Variants in CSMD1 observed in about 807,000 individuals in gnomAD.
CSMD1 encodes CUB and Sushi multiple domains 1, also known as CUB and sushi domain-containing protein 1.
A neutral mutation model predicts 417.5 loss-of-function variants in CSMD1; 213 were observed. The observed-to-expected ratio is 0.51, with a 90% CI of 0.46 to 0.57. CSMD1 has a LOEUF of 0.57. CSMD1 is among the 20% of genes least tolerant of loss of function. The pLI is 0.00. For synonymous variants in CSMD1, 2,862 were observed against 1,736.8 expected (o/e 1.65, Z -16.11); for missense variants, 6,923 against 4,529.7 (o/e 1.53, Z -15.17).
chr8:3,149,662 G>C (rs935505044), intron 40 of CSMD1, among the ~76,000 whole-genome samples: 1 of 152,168 alleles, frequency 6.6e-6, no homozygotes, highest in Admixed American at 6.5e-5. Flanking sequence ...ATTTTTAGTA[G>C]AGACGGCGTT....
In CSMD1 at chr8:4,442,149, C is replaced by T. The variant is rs1264624161; in HGVS notation, c.303-22084G>A. 3.9e-5 allele frequency among the ~76,000 whole-genome samples: 6 copies of T among 152,288 alleles called. No homozygotes were observed. In the East Asian group the frequency reaches 7.7e-4, roughly 20 times the overall value. On this transcript the variant is annotated intron_variant, in intron 2 of 69. Coordinates refer to ENST00000635120, the MANE Select transcript of CSMD1 (RefSeq NM_033225.6). ...ATCTCCTGTCCTGATTCAGCAAAAACATCTGAAACACAGCTTCAAATGCAG... is the reference window on the plus strand; with the variant it reads ...ATCTCCTGTCCTGATTCAGCAAAAATATCTGAAACACAGCTTCAAATGCAG...
chr8:3,393,844 T>C (rs920044481), intron 17 of CSMD1, among the ~76,000 whole-genome samples: 1 of 149,052 alleles, frequency 6.7e-6, no homozygotes, highest in Non-Finnish European at 1.5e-5. Context: ...TGTTGTGGGG[T>C]GTGGGGAGGG....
intron 4 of CSMD1, among the ~76,000 whole-genome samples, chr8:3,999,877 G>T (rs1184923056): frequency 6.6e-6 from 1 of 152,140 alleles, no homozygotes; most frequent in Non-Finnish European, 1.5e-5. Context: ...TGTGGAAAGG[G>T]CTGCCCATGT....
At chr8:4,932,543 A>G (rs115039888) in intron 1 of CSMD1, among the ~76,000 whole-genome samples, 2,221 of 152,300 alleles carry the variant, frequency 0.015, 46 homozygotes, top group African/African-American at 0.051. Context: ...CTAATAGAAA[A>G]TAAAGCTTGT....
intron 54 of CSMD1, among the ~76,000 whole-genome samples, chr8:2,992,668 G>C (rs778988586): frequency 4.0e-5 from 6 of 151,876 alleles, no homozygotes; most frequent in African/African-American, 1.2e-4. Context: ...CTCGTGATCT[G>C]CCCGCCTCAG....
intron 1 of CSMD1, among the ~76,000 whole-genome samples, chr8:4,747,022 G>C (rs1011171793): frequency 2.6e-5 from 4 of 152,180 alleles, no homozygotes; most frequent in Non-Finnish European, 5.9e-5. Context: ...GTTCAGAGAA[G>C]CCACTGAGTA....
chr8:4,906,931 A>C (rs576904741), intron 1 of CSMD1, among the ~76,000 whole-genome samples: 2 of 152,240 alleles, frequency 1.3e-5, no homozygotes, highest in South Asian at 4.1e-4. Context: ...ATTAGTAGGT[A>C]TTTTCCTATT....
At chr8:3,314,920 C>T (rs1805636782) in intron 23 of CSMD1, among the ~76,000 whole-genome samples, 1 of 152,202 alleles carries the variant, frequency 6.6e-6, no homozygotes, top group Admixed American at 6.5e-5. Context: ...TGAGTTTTTT[C>T]AGCTTCTATC....
chr8:3,156,410 G>T (rs1304800500), intron 39 of CSMD1, among the ~76,000 whole-genome samples: 1 of 152,194 alleles, frequency 6.6e-6, no homozygotes, highest in East Asian at 1.9e-4. Context: ...ATGTGCTGAA[G>T]ATACAGAGGT....
chr8:4,062,449 T>C (rs1330429014), intron 3 of CSMD1, among the ~76,000 whole-genome samples: 3 of 152,128 alleles, frequency 2.0e-5, no homozygotes, highest in African/African-American at 7.2e-5. Context: ...ATCTCAGATA[T>C]CTGACACAAT....
chr8:4,877,358 A>G (rs1037607951), intron 1 of CSMD1, among the ~76,000 whole-genome samples: 2 of 152,098 alleles, frequency 1.3e-5, no homozygotes, highest in Non-Finnish European at 2.9e-5. Flanking sequence ...GTTATTTTAC[A>G]TTTCTGTTTA....
At chr8:3,643,305 A>C (rs1797397720) in intron 7 of CSMD1, among the ~76,000 whole-genome samples, 1 of 152,114 alleles carries the variant, frequency 6.6e-6, no homozygotes, top group African/African-American at 2.4e-5. Flanking sequence ...AGGGACGGGC[A>C]AAGAAAGAGG....
intron 3 of CSMD1, among the ~76,000 whole-genome samples, chr8:4,419,643 T>C (rs1010971719): frequency 9.2e-5 from 14 of 152,138 alleles, no homozygotes; most frequent in Admixed American, 1.3e-4. Context: ...AAATGAACTC[T>C]TTACCACGTA....
intron 1 of CSMD1, among the ~76,000 whole-genome samples, chr8:4,740,612 T>C (rs1235668552): frequency 6.6e-6 from 1 of 152,170 alleles, no homozygotes; most frequent in Non-Finnish European, 1.5e-5. Context: ...ATTGATGAAA[T>C]GTTGTGGAAG....
chr8:3,108,908 A>G (rs1039943380), intron 43 of CSMD1, among the ~76,000 whole-genome samples, 160 bp from the exon 44 acceptor site: 2 of 152,224 alleles, frequency 1.3e-5, no homozygotes, highest in African/African-American at 4.8e-5. Flanking sequence ...AATGTCCACA[A>G]AGTTGAGGAA....
chr8:4,580,175 G>A (rs1321251808), intron 2 of CSMD1, among the ~76,000 whole-genome samples: 3 of 152,142 alleles, frequency 2.0e-5, no homozygotes, highest in East Asian at 1.9e-4. Context: ...CAACTGTTAT[G>A]TAAACTTCAT....
chr8:3,257,637 C>T lies in CSMD1; in HGVS notation c.4153+26507G>A, dbSNP rs140372591. Among the ~76,000 whole-genome samples the T allele has an allele frequency of 2.0e-3, 305 of 152,188 alleles. 4 individuals are homozygous for T. The Middle Eastern group carries it at 0.024, about 12-fold the overall frequency. On this transcript the variant is annotated intron_variant, in intron 26 of 69. Transcript: ENST00000635120. ...TATTTTAAGATAGAGACAGAATCAG[C>T]CTTGCGGGTACCTGGGGCCAAGGCT...
At chr8:4,356,635 T>C (rs910083952) in intron 3 of CSMD1, among the ~76,000 whole-genome samples, 1 of 152,220 alleles carries the variant, frequency 6.6e-6, no homozygotes, top group African/African-American at 2.4e-5. Flanking sequence ...TGCTTTATTC[T>C]GGTCCTGCGA....
chr8:4,799,536 T>G (rs1354042848), intron 1 of CSMD1, among the ~76,000 whole-genome samples: 3 of 128,420 alleles, frequency 2.3e-5, no homozygotes, highest in African/African-American at 9.2e-5. Context: ...GAGGCGGAGG[T>G]TGCAGTGAGC....
Sources: allele counts gnomAD v4.1 joint callset (sites outside exome capture counted in the v4.1 genomes callset), GRCh38; gene constraint gnomAD v4.1.1; transcripts MANE v1.5; gene names NCBI Gene and HGNC (gene_info 2026-07-23, HGNC 2026-07-21).